The following CERKL variants were observed in gnomAD, a reference collection of about 807,000 sequenced individuals.
The protein encoded by CERKL is CERK like autophagy regulator.
A neutral mutation model predicts 63.4 loss-of-function variants in CERKL; 61 were observed. The observed-to-expected ratio is 0.96, with a 90% CI of 0.78 to 1.19. The LOEUF is 1.19. Ranked by LOEUF, CERKL falls within the 50% of genes most tolerant of loss-of-function variation. The pLI is 0.00. For synonymous variants in CERKL, 250 were observed against 230.5 expected, an observed-to-expected ratio of 1.08 and a Z score of -0.77; for missense variants, 675 against 655.5, an observed-to-expected ratio of 1.03 and a Z score of -0.33.
intron 1 of CERKL, among the ~76,000 whole-genome samples, chr2:181,635,445 T>C (rs745309264): frequency 1.8e-4 from 28 of 152,102 alleles, no homozygotes; most frequent in Non-Finnish European, 3.5e-4. Context: ...TCTAGATAAA[T>C]GGGTGAGGAA....
At chr2:181,639,137 GATT>G (rs927698298) in intron 1 of CERKL, among the ~76,000 whole-genome samples, 2 of 152,076 alleles carry the variant, frequency 1.3e-5, no homozygotes, top group African/African-American at 4.8e-5. Context: ...AAACTATAAA[GATT>G]ATTTTAAATT....
At chr2:181,624,863 A>C (rs1023517754) in intron 1 of CERKL, among the ~76,000 whole-genome samples, 1 of 152,182 alleles carries the variant, frequency 6.6e-6, no homozygotes, top group East Asian at 1.9e-4. Context: ...GCAGGAGAAA[A>C]TGTGGAGTTT....
Position 181,571,416 on chromosome 2 carries a change from T to C in CERKL, c.613+2337A>G, listed in dbSNP as rs1279760515. Among the ~76,000 whole-genome samples, 4 of 152,152 alleles carry C rather than the reference T, an allele frequency of 2.6e-5. No homozygotes were observed. The East Asian group carries it at 5.8e-4, about 22-fold the overall frequency. The stretch of plus-strand genomic sequence containing the variant: ...TAGAACATAATAGTTTTGTCTCCAA[T>C]ACAATTAAGAAGGAAAGCACATTTA... On this transcript the variant is annotated intron_variant, in intron 3 of 12. Coordinates refer to ENST00000410087, the MANE Select transcript of CERKL (RefSeq NM_201548.5).
chr2:181,598,267 G>A (rs1450324547), intron 2 of CERKL, among the ~76,000 whole-genome samples: 2 of 152,186 alleles, frequency 1.3e-5, no homozygotes, highest in Admixed American at 6.5e-5. Context: ...TAGACTGGGG[G>A]AAGAGGCTCT....
At chr2:181,627,466 C>A (rs1686762306) in intron 1 of CERKL, among the ~76,000 whole-genome samples, 1 of 152,128 alleles carries the variant, frequency 6.6e-6, no homozygotes, top group Admixed American at 6.5e-5. Context: ...TCTTGCTGTT[C>A]CTAGGGAGGA....
At chr2:181,644,200 T>TG (rs1375207589) in intron 1 of CERKL, among the ~76,000 whole-genome samples, 1 of 152,346 alleles carries the variant, frequency 6.6e-6, no homozygotes, top group East Asian at 1.9e-4. Context: ...GGCACCATAC[T>TG]GGGGGTTGGC....
chr2:181,656,863 G>C lies in CERKL; in HGVS notation c.144C>G (p.Leu48=), dbSNP rs778080089. 1 of 1,605,128 alleles carries C rather than the reference G, an allele frequency of 6.2e-7. No homozygotes were observed. The highest frequency in any genetic ancestry group is 1.7e-5 in the Admixed American group (1 of 59,764). ...CCCTCCCGATCTCGAAGATGCCCCG[G>C]AGCAGAATCCGCTCGGCCGCCGCCT... is the stretch of plus-strand genomic sequence containing the variant. The part of the protein sequence containing the change: ...QTEAAAERIL[L]RGIFEIGRDS... The change falls in exon 1 of 13, where the codon CTC becomes CTG. Residue 48 remains leucine, a synonymous_variant. Transcript: ENST00000410087.
At position 181,589,745 on chromosome 2, in the gene CERKL, T is replaced by C. The variant is rs578158294; in HGVS notation, c.481+14092A>G. 3.0e-4 allele frequency among the ~76,000 whole-genome samples: 45 copies of C among 152,290 alleles called. No individual in the cohort carries two copies. The South Asian group carries it at 8.9e-3, about 30-fold the overall frequency. ...TGGGTGAATTTATCTATAAGTTGAG[T>C]GTAAAGAAAGTCTTACTACAATGCA... On this transcript the variant is annotated intron_variant, in intron 2 of 12. Coordinates refer to ENST00000410087, the MANE Select transcript of CERKL (RefSeq NM_201548.5).
At chr2:181,621,203 A>G (rs1248526404) in intron 1 of CERKL, among the ~76,000 whole-genome samples, 1 of 152,240 alleles carries the variant, frequency 6.6e-6, no homozygotes, top group Non-Finnish European at 1.5e-5. Context: ...TATAAAATGT[A>G]GTCAAATTTC....
At chr2:181,579,886 AT>A (rs1231742199) in intron 2 of CERKL, among the ~76,000 whole-genome samples, 1 of 151,836 alleles carries the variant, frequency 6.6e-6, no homozygotes, top group African/African-American at 2.4e-5. Flanking sequence ...GAGGTACTAA[AT>A]TTTTGTATGT....
intron 2 of CERKL, among the ~76,000 whole-genome samples, chr2:181,592,067 C>G (rs1400365436): frequency 6.6e-6 from 1 of 152,118 alleles, no homozygotes; most frequent in Non-Finnish European, 1.5e-5. Flanking sequence ...ACCTCTATAT[C>G]TCAAAGGAAA....
chr2:181,629,525 AAGACAC>A (rs984218633), intron 1 of CERKL, among the ~76,000 whole-genome samples: 2 of 152,164 alleles, frequency 1.3e-5, no homozygotes, highest in Non-Finnish European at 2.9e-5. Flanking sequence ...ATTTATCAGG[AAGACAC>A]AAAATAAACA....
chr2:181,553,826 C>T (rs970057584), intron 5 of CERKL, among the ~76,000 whole-genome samples: 1 of 152,108 alleles, frequency 6.6e-6, no homozygotes, highest in African/African-American at 2.4e-5. Context: ...AAAACGATAG[C>T]TTGTTCTATA....
chr2:181,567,193 A>G (rs565360221), intron 3 of CERKL, among the ~76,000 whole-genome samples: 1 of 152,276 alleles, frequency 6.6e-6, no homozygotes, highest in South Asian at 2.1e-4. Flanking sequence ...GAAAGCCATA[A>G]TAAAACTACA....
intron 1 of CERKL, among the ~76,000 whole-genome samples, chr2:181,613,971 G>T (rs3884511): frequency 0.22 from 33,201 of 152,164 alleles, 6,492 homozygotes; most frequent in African/African-American, 0.53. Context: ...AAACTTGTTA[G>T]TATTCTATAA....
intron 1 of CERKL, among the ~76,000 whole-genome samples, chr2:181,622,623 GA>G (rs1233034040): frequency 2.6e-5 from 4 of 151,996 alleles, no homozygotes; most frequent in Admixed American, 1.3e-4. Flanking sequence ...ATCTTGGGGA[GA>G]AAAACAAAAA....
At chr2:181,571,062 G>A (rs1331820460) in intron 3 of CERKL, among the ~76,000 whole-genome samples, 4 of 152,032 alleles carry the variant, frequency 2.6e-5, no homozygotes, top group African/African-American at 9.7e-5. Context: ...CCACCTTTCT[G>A]TAGTATAATA....
intron 1 of CERKL, among the ~76,000 whole-genome samples, chr2:181,619,793 T>TG (rs112190111): frequency 2.2e-4 from 34 of 152,316 alleles, no homozygotes; most frequent in African/African-American, 8.2e-4. Flanking sequence ...ACTACTCAGT[T>TG]GACATTTAAT....
In CERKL at chr2:181,553,332, A is replaced by G. The variant is rs371660060; in HGVS notation, c.821-3624T>C. Reference sequence around the variant, plus strand: ...TGTGCTTCCCAATCAGATTTGTGGTAAAGATTTTGGAGGAGGCCACATAAT... The same window carrying G: ...TGTGCTTCCCAATCAGATTTGTGGTGAAGATTTTGGAGGAGGCCACATAAT... On this transcript the variant is annotated intron_variant, in intron 5 of 12. Transcript: ENST00000410087. Among the ~76,000 whole-genome samples, 140 of 152,298 alleles carry G rather than the reference A, an allele frequency of 9.2e-4. 2 individuals are homozygous for G. The Middle Eastern group carries it at 0.014, about 15-fold the overall frequency.
Sources: allele counts gnomAD v4.1 joint callset (sites outside exome capture counted in the v4.1 genomes callset), GRCh38; gene constraint gnomAD v4.1.1; transcripts MANE v1.5; gene names NCBI Gene and HGNC (gene_info 2026-07-23, HGNC 2026-07-21).